Variants in RAB3GAP1 observed in about 807,000 individuals in gnomAD.
RAB3GAP1 encodes rab3 GTPase-activating protein catalytic subunit.
In RAB3GAP1, 86 loss-of-function variants were observed where a neutral mutation model predicts 130.7. That is an observed-to-expected ratio of 0.66 (90% CI 0.55 to 0.79). The LOEUF (loss-of-function observed/expected upper bound fraction) is 0.79. RAB3GAP1 is among the 30% of genes least tolerant of loss of function. The probability of loss-of-function intolerance (pLI) is 0.00; values close to 1 mark genes in which losing one functional copy is unlikely to be tolerated. For synonymous variants in RAB3GAP1, 367 were observed against 401.7 expected (o/e 0.91, Z 1.03); for missense variants, 1,029 against 1,169.4 (o/e 0.88, Z 1.75).
At chr2:135,127,364 G>A (rs1472875892) in intron 11 of RAB3GAP1, among the ~76,000 whole-genome samples, 1 of 149,756 alleles carries the variant, frequency 6.7e-6, no homozygotes, top group Non-Finnish European at 1.5e-5. Context: ...TTTGTTTTGA[G>A]AGGGAGTCTC....
At chr2:135,133,788 T>C in intron 14 of RAB3GAP1, 73 bp from the exon 15 acceptor site, 1 of 1,354,334 alleles carries the variant, frequency 7.4e-7, no homozygotes, top group East Asian at 2.3e-5. Context: ...AATCTCTCCC[T>C]ACGACCTTTT....
chr2:135,070,688 G>T (rs1045650100), intron 3 of RAB3GAP1, among the ~76,000 whole-genome samples: 2 of 151,982 alleles, frequency 1.3e-5, no homozygotes, highest in Non-Finnish European at 2.9e-5. Flanking sequence ...TGTGTTTTTA[G>T]TAGAGATGGG....
At position 135,072,567 on chromosome 2, in the gene RAB3GAP1, A is replaced by G. The variant is rs376713853; in HGVS notation, c.150+14481A>G. Among the ~76,000 whole-genome samples, 8 of 152,324 alleles carry G rather than the reference A, an allele frequency of 5.3e-5. No individual in the cohort carries two copies. The East Asian group carries it at 5.8e-4, about 11-fold the overall frequency. Reference sequence around the variant, plus strand: ...AGAGAGACTATTATGCTTTAATTACATACAATATTCTTTTTATAAATTTCC... The same window carrying G: ...AGAGAGACTATTATGCTTTAATTACGTACAATATTCTTTTTATAAATTTCC... On this transcript the variant is annotated intron_variant, in intron 3 of 23. Transcript: ENST00000264158.
chr2:135,063,262 A>G (rs931682076), intron 3 of RAB3GAP1, among the ~76,000 whole-genome samples: 11 of 152,130 alleles, frequency 7.2e-5, no homozygotes, highest in Admixed American at 5.2e-4. Flanking sequence ...AGATAATCAT[A>G]TAGTTTTTCT....
intron 14 of RAB3GAP1, 118 bp from the exon 15 acceptor site, chr2:135,133,743 C>T: frequency 1.2e-6 from 1 of 814,706 alleles, no homozygotes; most frequent in Non-Finnish European, 2.1e-6. Flanking sequence ...TTGATAATGC[C>T]TAGTTTAGGT....
Position 135,135,253 on chromosome 2 carries a change from T to G in RAB3GAP1, c.1500-12T>G. ...AAACTAAGCTTTCTTTTCTCCTTAC[T>G]TTATTTGATAGATTAGCAAGTGGAC... is the stretch of plus-strand genomic sequence containing the variant. On this transcript the variant is annotated splice_polypyrimidine_tract_variant and intron_variant, in intron 15 of 23. Transcript: ENST00000264158. The G allele has an allele frequency of 6.2e-7, 1 of 1,603,452 alleles. No homozygotes were observed. The highest frequency in any genetic ancestry group is 8.5e-7 in the Non-Finnish European group (1 of 1,170,440).
chr2:135,137,214 C>A, intron 17 of RAB3GAP1: 1 of 417,384 alleles, frequency 2.4e-6, no homozygotes, highest in South Asian at 1.8e-5. Context: ...CCTACGATGG[C>A]TTTTTGTTTT....
chr2:135,052,635 T>C (rs1231539171), intron 2 of RAB3GAP1, 150 bp downstream of exon 2: 6 of 936,002 alleles, frequency 6.4e-6, no homozygotes, highest in Non-Finnish European at 1.7e-6. Context: ...TCTTCTTTGG[T>C]CAACCGCAAG....
intron 5 of RAB3GAP1, among the ~76,000 whole-genome samples, chr2:135,102,989 A>G (rs1034323810): frequency 7.6e-6 from 1 of 132,124 alleles, no homozygotes; most frequent in African/African-American, 3.0e-5. Flanking sequence ...ACTGGGCGAC[A>G]GTGCGAGACT....
At chr2:135,157,373 G>C (rs1692339810) in intron 19 of RAB3GAP1, among the ~76,000 whole-genome samples, 2 of 152,118 alleles carry the variant, frequency 1.3e-5, no homozygotes, top group Admixed American at 1.3e-4. Context: ...AAATAAACCT[G>C]AAAGCAAGTT....
At chr2:135,077,449 T>C (rs533092518) in intron 3 of RAB3GAP1, among the ~76,000 whole-genome samples, 4 of 152,202 alleles carry the variant, frequency 2.6e-5, no homozygotes, top group Non-Finnish European at 5.9e-5. Flanking sequence ...CCCAGCATTT[T>C]GGGAGGCCCA....
Position 135,169,760 on chromosome 2 carries a change from C to A in RAB3GAP1, c.*979C>A, listed in dbSNP as rs879175732. ...TAAAATAATCGATGGGGATGTGTAG[C>A]CCCCCCGTGTGAGGATGACATCACC... On this transcript the variant is annotated 3_prime_UTR_variant, in exon 24 of 24. Transcript: ENST00000264158. 3 of 453,594 alleles carry A rather than the reference C, an allele frequency of 6.6e-6. No homozygotes were observed. The highest frequency in any genetic ancestry group is 6.0e-5 in the African/African-American group (3 of 49,594). 28.1% of individuals were successfully genotyped at this position (453,594 alleles called of 1,614,324 possible).
intron 10 of RAB3GAP1, 109 bp from the exon 11 acceptor site, chr2:135,126,474 A>G (rs1691351842): frequency 8.8e-7 from 1 of 1,131,180 alleles, no homozygotes; most frequent in Non-Finnish European, 1.3e-6. Flanking sequence ...AAGGGAGGCT[A>G]AATGGATTGC....
At chr2:135,114,758 A>G (rs1055485493) in intron 6 of RAB3GAP1, among the ~76,000 whole-genome samples, 1 of 152,254 alleles carries the variant, frequency 6.6e-6, no homozygotes, top group Non-Finnish European at 1.5e-5. Context: ...TACGTGTGTT[A>G]ACACGTATTC....
intron 3 of RAB3GAP1, chr2:135,058,308 T>C (rs1347224081): frequency 3.5e-5 from 14 of 404,608 alleles, no homozygotes; most frequent in Non-Finnish European, 4.8e-5. Context: ...TATGTGTGTG[T>C]GTATATATAT....
intron 8 of RAB3GAP1, among the ~76,000 whole-genome samples, chr2:135,121,517 C>T (rs12611513): frequency 6.6e-6 from 1 of 152,112 alleles, no homozygotes; most frequent in Non-Finnish European, 1.5e-5. Flanking sequence ...AACACATTAC[C>T]TAAGTTCTAG....
chr2:135,152,316 A>T (rs1475795534), intron 18 of RAB3GAP1, among the ~76,000 whole-genome samples: 1 of 152,246 alleles, frequency 6.6e-6, no homozygotes, highest in African/African-American at 2.4e-5. Flanking sequence ...TAAAGAGAAG[A>T]TAAGCTCAAG....
rs867714880 is a variant in RAB3GAP1, at chr2:135,117,197, G to A, written c.648+1816G>A. Among the ~76,000 whole-genome samples, 5 of 152,266 alleles carry A rather than the reference G, an allele frequency of 3.3e-5. No homozygotes were observed. The Middle Eastern group carries it at 0.01, about 311-fold the overall frequency. On this transcript the variant is annotated intron_variant, in intron 7 of 23. Transcript: ENST00000264158. ...GTGCTTCTATTTTAGAGAATTCCGT[G>A]TATATATGTAATTTTCTTTTCAAAA...
In RAB3GAP1 at chr2:135,056,540, G is replaced by A. The variant is rs527372027; in HGVS notation, c.75-1471G>A. On this transcript the variant is annotated intron_variant, in intron 2 of 23. Transcript: ENST00000264158. Reference sequence around the variant, plus strand: ...CTTTTGATTGACATGATTTTTATTGGGTGCATATTAGTCCTCTGAGTGGAT... The same window carrying A: ...CTTTTGATTGACATGATTTTTATTGAGTGCATATTAGTCCTCTGAGTGGAT... Among the ~76,000 whole-genome samples, 22 of 152,220 alleles carry A rather than the reference G, an allele frequency of 1.4e-4. No homozygotes were observed. The South Asian group carries it at 3.5e-3, about 24-fold the overall frequency.
Sources: allele counts gnomAD v4.1 joint callset (sites outside exome capture counted in the v4.1 genomes callset), GRCh38; gene constraint gnomAD v4.1.1; transcripts MANE v1.5; gene names NCBI Gene and HGNC (gene_info 2026-07-23, HGNC 2026-07-21).